CRPPA: variants seen among roughly 807,000 people sequenced by gnomAD.
CRPPA encodes the protein D-ribitol-5-phosphate cytidylyltransferase.
Under a neutral mutation model 52.0 loss-of-function variants are expected in CRPPA, and 43 were observed. That is an observed-to-expected ratio of 0.83 (90% CI 0.65 to 1.07). The LOEUF (loss-of-function observed/expected upper bound fraction) is 1.07. Among genes scored for constraint, CRPPA ranks in the 50% least tolerant of loss-of-function variants. The pLI is 0.00. For synonymous variants in CRPPA, 250 were observed against 203.5 expected (o/e 1.23, Z -1.94); for missense variants, 629 against 551.7 (o/e 1.14, Z -1.40).
At chr7:16,333,777 CA>C (rs1562637532) in intron 3 of CRPPA, among the ~76,000 whole-genome samples, 1 of 152,122 alleles carries the variant, frequency 6.6e-6, no homozygotes, top group Non-Finnish European at 1.5e-5. Flanking sequence ...ATCTAACTAG[CA>C]ATTATCTGCA....
At chr7:16,290,016 T>C (rs1411737517) in intron 5 of CRPPA, among the ~76,000 whole-genome samples, 2 of 152,114 alleles carry the variant, frequency 1.3e-5, no homozygotes, top group African/African-American at 4.8e-5. Flanking sequence ...CATATTTTCA[T>C]ATACAAATAA....
At chr7:16,171,254 C>T (rs992389446) in intron 9 of CRPPA, among the ~76,000 whole-genome samples, 3 of 152,228 alleles carry the variant, frequency 2.0e-5, no homozygotes, top group Non-Finnish European at 2.9e-5. Flanking sequence ...TGTAACTCAA[C>T]ATTGACTGCT....
chr7:16,211,452 G>A (rs1001189886), intron 9 of CRPPA, among the ~76,000 whole-genome samples: 5 of 152,148 alleles, frequency 3.3e-5, no homozygotes, highest in East Asian at 3.9e-4. Context: ...TGTTTGGTAC[G>A]TCTGCCATAT....
chr7:16,256,380 A>G (rs148517152), intron 8 of CRPPA, among the ~76,000 whole-genome samples: 1,846 of 152,314 alleles, frequency 0.012, 37 homozygotes, highest in African/African-American at 0.042. Context: ...CTAGAACCAG[A>G]AATACCATTA....
At position 16,353,838 on chromosome 7, in the gene CRPPA, A is replaced by G. The variant is rs559891391; in HGVS notation, c.684+22254T>C. 2.1e-5 allele frequency among the ~76,000 whole-genome samples: 3 copies of G among 142,918 alleles called. No homozygotes were observed. The East Asian group carries it at 6.2e-4, about 29-fold the overall frequency. The allele number at this position is 142,918 out of a possible 152,430, so 93.8% of individuals were successfully genotyped here. On this transcript the variant is annotated intron_variant, in intron 3 of 9. Transcript: ENST00000407010. ...GCACTCCAGCCTGGATGACAAAGTG[A>G]GACTCCATCTCACAAAAAAAAAAAT...
chr7:16,178,707 G>A (rs1173027576), intron 9 of CRPPA, among the ~76,000 whole-genome samples: 1 of 151,780 alleles, frequency 6.6e-6, no homozygotes, highest in African/African-American at 2.4e-5. Flanking sequence ...TTAAGAGTAT[G>A]GATACATAAA....
At chr7:16,373,960 T>G (rs1298677749) in intron 3 of CRPPA, among the ~76,000 whole-genome samples, 1 of 152,138 alleles carries the variant, frequency 6.6e-6, no homozygotes, top group Non-Finnish European at 1.5e-5. Flanking sequence ...CAGCTTGCAG[T>G]GAGTTTCTTC....
rs1165878564 is a variant in CRPPA at position 16,421,449 on chromosome 7, A to G, written c.-127T>C. On this transcript the variant is annotated 5_prime_UTR_variant, in exon 1 of 10. Coordinates refer to ENST00000407010, the MANE Select transcript of CRPPA (RefSeq NM_001101426.4). ...GAGGGACGCAGAGCGCGCAAGCAGAAGGCGCCCCCCTCAGCCGTCGGAGCC... is the reference window on the plus strand; with the variant it reads ...GAGGGACGCAGAGCGCGCAAGCAGAGGGCGCCCCCCTCAGCCGTCGGAGCC... The G allele has an allele frequency of 6.2e-6, 6 of 968,536 alleles. No homozygotes were observed. Among genetic ancestry groups the G allele is most frequent in the Non-Finnish European group, 7.9e-6 (6 of 756,020 alleles). 60.0% of individuals were successfully genotyped at this position (968,536 alleles called of 1,614,324 possible).
At chr7:16,414,398 CA>C (rs1562692786) in intron 1 of CRPPA, among the ~76,000 whole-genome samples, 47 of 132,592 alleles carry the variant, frequency 3.5e-4, no homozygotes, top group Middle Eastern at 7.5e-3. Context: ...CACACACACA[CA>C]CACCCCATGA....
intron 9 of CRPPA, among the ~76,000 whole-genome samples, chr7:16,097,385 A>T (rs1408960699): frequency 6.6e-6 from 1 of 152,186 alleles, no homozygotes; most frequent in African/African-American, 2.4e-5. Context: ...TTTCTAAATT[A>T]TCAGACTGAA....
At chr7:16,400,628 A>T (rs924753277) in intron 2 of CRPPA, among the ~76,000 whole-genome samples, 3 of 152,146 alleles carry the variant, frequency 2.0e-5, no homozygotes, top group East Asian at 1.9e-4. Flanking sequence ...ACATGATGTG[A>T]TCGAGTCATT....
chr7:16,265,974 C>T (rs959790812), intron 6 of CRPPA, among the ~76,000 whole-genome samples: 5 of 152,172 alleles, frequency 3.3e-5, no homozygotes, highest in Admixed American at 3.3e-4. Flanking sequence ...GCACACTGGA[C>T]ATCAGTGTTA....
intron 9 of CRPPA, among the ~76,000 whole-genome samples, chr7:16,191,732 C>G (rs1238430800): frequency 6.6e-6 from 1 of 152,072 alleles, no homozygotes; most frequent in Non-Finnish European, 1.5e-5. Context: ...TCCCTCAGCT[C>G]CTTCAAATAT....
At chr7:16,146,509 T>A (rs1344011800) in intron 9 of CRPPA, among the ~76,000 whole-genome samples, 1 of 152,018 alleles carries the variant, frequency 6.6e-6, no homozygotes, top group Non-Finnish European at 1.5e-5. Context: ...ATAACACAAA[T>A]CACTTTCAAC....
At chr7:16,174,005 T>C (rs1485963506) in intron 9 of CRPPA, among the ~76,000 whole-genome samples, 6 of 152,058 alleles carry the variant, frequency 3.9e-5, no homozygotes, top group African/African-American at 1.4e-4. Context: ...AATTTCCAAA[T>C]GTGGAAGGTA....
intron 8 of CRPPA, among the ~76,000 whole-genome samples, chr7:16,224,364 C>T (rs1291677771): frequency 3.3e-5 from 5 of 152,056 alleles, no homozygotes; most frequent in Admixed American, 3.3e-4. Flanking sequence ...TTTAAAACCC[C>T]ACATTTAACA....
chr7:16,140,535 T>C (rs1366928005), intron 9 of CRPPA, among the ~76,000 whole-genome samples: 1 of 152,214 alleles, frequency 6.6e-6, no homozygotes, highest in East Asian at 1.9e-4. Context: ...CAGACACATA[T>C]GGATATAACA....
chr7:16,194,561 C>T (rs1428610395), intron 9 of CRPPA, among the ~76,000 whole-genome samples: 2 of 152,054 alleles, frequency 1.3e-5, no homozygotes, highest in Non-Finnish European at 2.9e-5. Context: ...AAAGTATTTC[C>T]CTAGACCCAG....
At chr7:16,116,911 C>G (rs938617935) in intron 9 of CRPPA, among the ~76,000 whole-genome samples, 4 of 152,116 alleles carry the variant, frequency 2.6e-5, no homozygotes, top group African/African-American at 9.7e-5. Flanking sequence ...CGCCCAGGTA[C>G]CATACAAAGC....
Sources: gnomAD v4.1 joint callset for allele counts (sites outside exome capture counted in the v4.1 genomes callset) on GRCh38, gnomAD v4.1.1 for gene constraint, MANE v1.5 for transcripts, NCBI Gene and HGNC (gene_info 2026-07-23, HGNC 2026-07-21) for gene names.